The following TNRC6C variants were observed in gnomAD, a reference collection of about 807,000 sequenced individuals.
The protein encoded by TNRC6C is trinucleotide repeat-containing gene 6C protein.
A neutral mutation model predicts 153.7 loss-of-function variants in TNRC6C; 20 were observed. That is an observed-to-expected ratio of 0.13 (90% CI 0.09 to 0.19). The LOEUF is 0.19. Among genes scored for constraint, TNRC6C ranks in the 10% least tolerant of loss-of-function variants. TNRC6C has a pLI of 1.00. For synonymous variants in TNRC6C, 811 were observed against 841.4 expected (o/e 0.96, Z 0.63); for missense variants, 1,987 against 2,172.0 (o/e 0.91, Z 1.69).
At chr17:77,993,093 G>A (rs993251488) in intron 1 of TNRC6C, among the ~76,000 whole-genome samples, 9 of 152,112 alleles carry the variant, frequency 5.9e-5, no homozygotes, top group African/African-American at 2.2e-4. Context: ...AGCTTCCTGA[G>A]TAGCTGGGAT....
chr17:78,061,949 A>G (rs547060360), intron 3 of TNRC6C, among the ~76,000 whole-genome samples: 1 of 152,326 alleles, frequency 6.6e-6, no homozygotes, highest in South Asian at 2.1e-4. Context: ...GCCTTCTCAA[A>G]GAGATGGAGG....
chr17:78,061,395 A>C (rs1368469506), intron 3 of TNRC6C, among the ~76,000 whole-genome samples: 1 of 152,218 alleles, frequency 6.6e-6, no homozygotes, highest in Non-Finnish European at 1.5e-5. Flanking sequence ...TTTTGCATCA[A>C]AATTTTCTAT....
chr17:78,049,176 A>G lies in TNRC6C; in HGVS notation c.114A>G (p.Gly38=). The G allele has an allele frequency of 6.2e-7, 1 of 1,613,118 alleles. No individual in the cohort carries two copies. Among genetic ancestry groups the G allele is most frequent in the Non-Finnish European group, 8.5e-7 (1 of 1,179,504 alleles). Residue 38 remains glycine, a synonymous_variant, in exon 3 of 20, where the codon GGA becomes GGG. Transcript: ENST00000301624. The surrounding 1 kb of genome is among the most constrained non-coding windows in gnomAD (Gnocchi z 4.1). ...GCCCTTCTAATCAGAGTGCCCTTGG[A>G]GCAGGGGGAGCGAACAGTAATGGAA... is the stretch of plus-strand genomic sequence containing the variant.
chr17:78,085,311 G>A (rs1019307300), intron 11 of TNRC6C, among the ~76,000 whole-genome samples: 18 of 152,248 alleles, frequency 1.2e-4, no homozygotes, highest in African/African-American at 4.1e-4. Flanking sequence ...TTAAAACAAT[G>A]TATTCTGTTC....
At chr17:77,958,121 G>A (rs1225160386), upstream of TNRC6C, among the ~76,000 whole-genome samples, 1 of 152,158 alleles carries the variant, frequency 6.6e-6, no homozygotes, top group Admixed American at 6.5e-5. Flanking sequence ...GGGCGGTGCA[G>A]GGCGTGTGCA....
intron 16 of TNRC6C, among the ~76,000 whole-genome samples, chr17:78,096,184 G>A (rs573970883): frequency 1.2e-4 from 18 of 152,302 alleles, no homozygotes; most frequent in South Asian, 8.3e-4. Context: ...CAGCTCACAC[G>A]TTCCCACTTA....
rs867816283 is a variant in TNRC6C, at chr17:78,043,428, A to T, written c.-218-5417A>T. Among the ~76,000 whole-genome samples, 5 of 152,184 alleles carry T rather than the reference A, an allele frequency of 3.3e-5. No individual in the cohort carries two copies. The South Asian group carries it at 1.0e-3, about 32-fold the overall frequency. On this transcript the variant is annotated intron_variant, in intron 2 of 19. Coordinates refer to ENST00000301624, the Ensembl canonical transcript of TNRC6C. ...TTCTATAGTAAAACATATTTTTTAT[A>T]ATTTTTTTTATTTCTGTGGGTACAT...
In TNRC6C at chr17:78,104,889, C is replaced by T; in HGVS notation, c.*44C>T. 1.4e-6 allele frequency: 2 copies of T among 1,381,940 alleles called. No individual in the cohort carries two copies. Among genetic ancestry groups the T allele is most frequent in the Non-Finnish European group, 1.9e-6 (2 of 1,072,322 alleles). The allele number at this position is 1,381,940 out of a possible 1,614,324, so 85.6% of individuals were successfully genotyped here. A position where few individuals can be genotyped will look rare whatever the true frequency, so the allele number is the denominator to read the frequency against. On this transcript the variant is annotated 3_prime_UTR_variant, in exon 20 of 20. Transcript: ENST00000301624. The surrounding 1 kb of genome is among the most constrained non-coding windows in gnomAD (Gnocchi z 6.2). ...CCAGGAGAGCCGACCCCTCCCGGGA[C>T]CCCTCCCGGCTGGGCGGCCCCACAG... is the stretch of plus-strand genomic sequence containing the variant.
intron 5 of TNRC6C, among the ~76,000 whole-genome samples, 156 bp from the exon 8 acceptor site, chr17:78,070,929 T>C (rs2072982241): frequency 1.3e-5 from 2 of 152,224 alleles, no homozygotes; most frequent in South Asian, 4.1e-4. Flanking sequence ...CACGAAATAC[T>C]GTTAGGGAGT....
chr17:77,975,003 G>T (rs1271999617), intron 1 of TNRC6C, among the ~76,000 whole-genome samples: 2 of 121,238 alleles, frequency 1.6e-5, no homozygotes, highest in Admixed American at 1.6e-4. Context: ...TATCTTTCTA[G>T]TAATCAAAGA....
chr17:77,969,259 T>A (rs1201179224), intron 1 of TNRC6C, among the ~76,000 whole-genome samples: 3 of 139,246 alleles, frequency 2.2e-5, no homozygotes, highest in South Asian at 2.4e-4. Flanking sequence ...CTTTAATAAA[T>A]TTTTTTTTTT....
chr17:78,029,711 C>G (rs542399215), intron 1 of TNRC6C, among the ~76,000 whole-genome samples: 1 of 152,082 alleles, frequency 6.6e-6, no homozygotes, highest in Non-Finnish European at 1.5e-5. Flanking sequence ...CATTGCACAG[C>G]TGTACAAAAA....
intron 1 of TNRC6C, among the ~76,000 whole-genome samples, chr17:77,983,532 C>T (rs1216171521): frequency 6.6e-6 from 1 of 152,102 alleles, no homozygotes; most frequent in Non-Finnish European, 1.5e-5. Context: ...CAAGAAAAGG[C>T]AGGTCTGTTG....
At position 78,079,667 on chromosome 17, in the gene TNRC6C, C is replaced by T; in HGVS notation, c.3357+126C>T. 1 of 1,261,058 alleles carries T rather than the reference C, an allele frequency of 7.9e-7. No homozygotes were observed. Among genetic ancestry groups the T allele is most frequent in the Non-Finnish European group, 1.1e-6 (1 of 927,896 alleles). The allele number at this position is 1,261,058 out of a possible 1,614,324, so 78.1% of individuals were successfully genotyped here. ...GAGTTAATCCATGTTTAAGAGAAGG[C>T]CTTCTGGTTTTTAACCTATAAATTA... On this transcript the variant is annotated intron_variant, in intron 10 of 19. Coordinates refer to ENST00000301624, the Ensembl canonical transcript of TNRC6C. This position sits in a 1 kb window ranked among gnomAD's most constrained non-coding sequence, Gnocchi z 4.3.
chr17:77,985,154 A>C (rs1418462561), intron 1 of TNRC6C, among the ~76,000 whole-genome samples: 1 of 152,210 alleles, frequency 6.6e-6, no homozygotes, highest in East Asian at 1.9e-4. Context: ...TAAGAGGTTT[A>C]AAGCATGATC....
chr17:78,039,313 C>T (rs1488943565), intron 2 of TNRC6C, among the ~76,000 whole-genome samples: 3 of 146,766 alleles, frequency 2.0e-5, no homozygotes, highest in East Asian at 4.6e-4. Context: ...AATCTTGCCC[C>T]CCCCCCCCAC....
chr17:78,004,522 C>G (rs1173289595), upstream of TNRC6C, among the ~76,000 whole-genome samples: 1 of 152,118 alleles, frequency 6.6e-6, no homozygotes, highest in African/African-American at 2.4e-5. Context: ...TGAAGTGTGT[C>G]CATGTTGTTC....
intron 14 of TNRC6C, 101 bp from the exon 17 acceptor site, chr17:78,092,832 G>C: frequency 1.0e-6 from 1 of 952,488 alleles, no homozygotes; most frequent in Non-Finnish European, 1.6e-6. Context: ...GCAAGGCATT[G>C]GACCTAGAAC....
At chr17:77,996,753 C>T (rs938258737) in intron 1 of TNRC6C, among the ~76,000 whole-genome samples, 1 of 152,164 alleles carries the variant, frequency 6.6e-6, no homozygotes, top group Non-Finnish European at 1.5e-5. Flanking sequence ...CTGTTTGGTT[C>T]ACATCCAGGG....
Sources: allele counts gnomAD v4.1 joint callset (sites outside exome capture counted in the v4.1 genomes callset), GRCh38; gene constraint gnomAD v4.1.1; non-coding constraint Gnocchi (gnomAD v3.1); transcripts MANE v1.5; gene names NCBI Gene and HGNC (gene_info 2026-07-23, HGNC 2026-07-21).